The following DTNA variants were observed in gnomAD, a reference collection of about 807,000 sequenced individuals.
DTNA encodes dystrobrevin alpha.
Under a neutral mutation model 100.7 loss-of-function variants are expected in DTNA, and 43 were observed. The ratio of observed to expected loss-of-function variants is 0.43; its 90% confidence interval spans 0.33 to 0.55. DTNA has a LOEUF of 0.55. Among genes scored for constraint, DTNA ranks in the 20% least tolerant of loss-of-function variants. The pLI, the probability that DTNA is intolerant of heterozygous loss-of-function variation, is 0.04. For synonymous variants in DTNA, 349 were observed against 347.9 expected, an observed-to-expected ratio of 1.00 and a Z score of -0.04; for missense variants, 798 against 953.9, an observed-to-expected ratio of 0.84 and a Z score of 2.15.
At chr18:34,541,723 T>C (rs1388642940) in intron 1 of DTNA, among the ~76,000 whole-genome samples, 1 of 152,062 alleles carries the variant, frequency 6.6e-6, no homozygotes, top group Non-Finnish European at 1.5e-5. Flanking sequence ...ATTTTTCTGA[T>C]GACAGACACA....
chr18:34,611,157 T>C lies in DTNA; in HGVS notation c.-2+117643T>C, dbSNP rs149881354. Among the ~76,000 whole-genome samples the C allele has an allele frequency of 5.0e-3, 766 of 152,324 alleles. 6 individuals carry two copies. The highest frequency in any genetic ancestry group is 0.017 in the African/African-American group (715 of 41,572). On this transcript the variant is annotated intron_variant, in intron 1 of 19. Coordinates refer to the DTNA transcript ENST00000283365. ...AGAAAAAATATAAAATTCATAAATA[T>C]AGATCTAAACTCCCACAAAAAAAAA...
intron 1 of DTNA, among the ~76,000 whole-genome samples, chr18:34,531,257 A>G (rs1160700841): frequency 6.6e-6 from 1 of 152,124 alleles, no homozygotes; most frequent in Non-Finnish European, 1.5e-5. Context: ...CTGTTGAGAT[A>G]GGTAGAGGAC....
intron 1 of DTNA, among the ~76,000 whole-genome samples, chr18:34,603,705 A>G (rs573119762): frequency 6.6e-6 from 1 of 152,266 alleles, no homozygotes; most frequent in African/African-American, 2.4e-5. Flanking sequence ...GATTTGCTCC[A>G]TTTTACCTAT....
chr18:34,496,961 C>T (rs1328020505), intron 1 of DTNA, among the ~76,000 whole-genome samples: 1 of 152,162 alleles, frequency 6.6e-6, no homozygotes, highest in African/African-American at 2.4e-5. Flanking sequence ...ACTATTTCAC[C>T]TCATTATCCA....
chr18:34,562,168 G>A (rs757057980), intron 1 of DTNA, among the ~76,000 whole-genome samples: 4 of 152,056 alleles, frequency 2.6e-5, no homozygotes, highest in Non-Finnish European at 4.4e-5. Flanking sequence ...TAATAAAACC[G>A]TACAACAACA....
chr18:34,838,876 G>A, intron 13 of DTNA, 39 bp downstream of exon 13: 2 of 1,572,330 alleles, frequency 1.3e-6, no homozygotes, highest in Non-Finnish European at 1.8e-6. Context: ...CCTTAGAGAG[G>A]GATACAGTCT....
Position 34,815,249 on chromosome 18 carries a change from A to T in DTNA, c.604-660A>T, listed in dbSNP as rs574663152. 1.3e-5 allele frequency among the ~76,000 whole-genome samples: 2 copies of T among 151,784 alleles called. 1 individual carries two copies. The highest frequency in any genetic ancestry group is 4.2e-4 in the South Asian group (2 of 4,800). ...GTACATGTATTAATATAGCTTTCTT[A>T]CTTTTATCATTTTGAAAGAAACTTA... On this transcript the variant is annotated intron_variant, in intron 6 of 22. Coordinates refer to ENST00000444659, the MANE Select transcript of DTNA (RefSeq NM_001386795.1).
Position 34,891,268 on chromosome 18 carries a change from G to T in DTNA, c.*3534G>T, listed in dbSNP as rs201691364. 2 of 85,664 alleles carry T rather than the reference G, an allele frequency of 2.3e-5. No homozygotes were observed. Among genetic ancestry groups the T allele is most frequent in the South Asian group, 3.3e-4 (1 of 3,044 alleles). 5.3% of individuals were successfully genotyped at this position (85,664 alleles called of 1,614,324 possible). On this transcript the variant is annotated 3_prime_UTR_variant, in exon 23 of 23. Coordinates refer to ENST00000444659, the MANE Select transcript of DTNA (RefSeq NM_001386795.1). ...TTGTATTGCTGTTAAGTATTGTTTT[G>T]TGTGTGTGTGTGTGTGTGTGTGTTG...
rs977322898 is a variant in DTNA, at chr18:34,658,496, G to A, written c.-1-97480G>A. 4.0e-5 allele frequency among the ~76,000 whole-genome samples: 6 copies of A among 151,870 alleles called. No homozygotes were observed. In the East Asian group the frequency reaches 1.2e-3, roughly 29 times the overall value. ...GCCTCCCGAGTTGCTGAGACAACAG[G>A]AGTGTGCCACCATATCTGGCTAATT... is the stretch of plus-strand genomic sequence containing the variant. On this transcript the variant is annotated intron_variant, in intron 1 of 19. Coordinates refer to the DTNA transcript ENST00000283365.
chr18:34,715,157 T>C (rs551218293), intron 1 of DTNA, among the ~76,000 whole-genome samples: 1 of 151,884 alleles, frequency 6.6e-6, no homozygotes, highest in South Asian at 2.1e-4. Flanking sequence ...TGTATACATA[T>C]GTAACTAACC....
chr18:34,575,660 A>G (rs2048044660), intron 1 of DTNA, among the ~76,000 whole-genome samples: 1 of 152,150 alleles, frequency 6.6e-6, no homozygotes, highest in Non-Finnish European at 1.5e-5. Flanking sequence ...AATACTATCT[A>G]TAGCTGTGTT....
rs542426532 is a variant in DTNA, at chr18:34,840,943, T to C, written c.1346+2106T>C. ...GACCTCTTACCTCCTTTAACATCAT[T>C]GTAGCTACAATGCTTTACCATCATT... On this transcript the variant is annotated intron_variant, in intron 13 of 22. Coordinates refer to ENST00000444659, the MANE Select transcript of DTNA (RefSeq NM_001386795.1). 3.9e-5 allele frequency among the ~76,000 whole-genome samples: 6 copies of C among 152,238 alleles called. No homozygotes were observed. The East Asian group carries it at 9.6e-4, about 24-fold the overall frequency.
intron 17 of DTNA, among the ~76,000 whole-genome samples, chr18:34,873,568 C>T (rs776357450): frequency 2.2e-4 from 33 of 152,232 alleles, no homozygotes; most frequent in Non-Finnish European, 2.1e-4. Context: ...AGCCCTGCCC[C>T]TCTGACTCCG....
chr18:34,656,972 G>A (rs967034703), intron 1 of DTNA, among the ~76,000 whole-genome samples: 1 of 152,000 alleles, frequency 6.6e-6, no homozygotes, highest in African/African-American at 2.4e-5. Context: ...CACCTCCCAG[G>A]CTCAAGCAAT....
chr18:34,760,209 G>T (rs2093051874), intron 2 of DTNA: 1 of 152,248 alleles, frequency 6.6e-6, no homozygotes, highest in South Asian at 2.1e-4. Context: ...ATGCTCCTCA[G>T]TCTTTTTAAG....
At chr18:34,817,567 C>T (rs139616438) in intron 7 of DTNA, among the ~76,000 whole-genome samples, 2 of 150,460 alleles carry the variant, frequency 1.3e-5, no homozygotes, top group Non-Finnish European at 3.0e-5. Flanking sequence ...GCCCTATACA[C>T]CTGCCTCAGG....
In DTNA at chr18:34,777,865, G is replaced by T. The variant is rs2094136585; in HGVS notation, c.148+11824G>T. On this transcript the variant is annotated intron_variant, in intron 3 of 22. Coordinates refer to ENST00000444659, the MANE Select transcript of DTNA (RefSeq NM_001386795.1). ...TACAATTCACGATGAGATTTGGGTG[G>T]GGACACAGAATCAAACCACATCAAC... Among the ~76,000 whole-genome samples the T allele has an allele frequency of 3.3e-5, 5 of 152,186 alleles. No homozygotes were observed. In the South Asian group the frequency reaches 1.0e-3, roughly 32 times the overall value.
chr18:34,670,714 G>A (rs1431442339), intron 1 of DTNA, among the ~76,000 whole-genome samples: 1 of 152,214 alleles, frequency 6.6e-6, no homozygotes, highest in African/African-American at 2.4e-5. Flanking sequence ...CTGGGTATCA[G>A]CATTGGAGGC....
At chr18:34,612,676 T>C (rs1482444226) in intron 1 of DTNA, among the ~76,000 whole-genome samples, 2 of 152,244 alleles carry the variant, frequency 1.3e-5, no homozygotes, top group Non-Finnish European at 2.9e-5. Flanking sequence ...TTGTCATTGA[T>C]TTTGCAGCAC....
Sources: gnomAD v4.1 joint callset for allele counts (sites outside exome capture counted in the v4.1 genomes callset) on GRCh38, gnomAD v4.1.1 for gene constraint, MANE v1.5 for transcripts, NCBI Gene and HGNC (gene_info 2026-07-23, HGNC 2026-07-21) for gene names.